Variants in TBC1D9 observed in about 807,000 individuals in gnomAD.
TBC1D9 encodes TBC1 domain family member 9.
In TBC1D9, 63 loss-of-function variants were observed where a neutral mutation model predicts 132.0. The ratio of observed to expected loss-of-function variants is 0.48; its 90% CI spans 0.39 to 0.59. The LOEUF is 0.59. TBC1D9 is among the 20% of genes least tolerant of loss of function. TBC1D9 has a pLI of 0.00. For synonymous variants in TBC1D9, 610 were observed against 609.9 expected (o/e 1.00, Z 0.00); for missense variants, 1,261 against 1,592.7 (o/e 0.79, Z 3.54).
At chr4:140,747,031 A>C (rs1738847634) in intron 1 of TBC1D9, among the ~76,000 whole-genome samples, 1 of 151,800 alleles carries the variant, frequency 6.6e-6, no homozygotes, top group African/African-American at 2.4e-5. Context: ...TAAATAAATA[A>C]ATAAATAAAT....
intron 1 of TBC1D9, among the ~76,000 whole-genome samples, chr4:140,741,803 C>T (rs1375391943): frequency 6.6e-6 from 1 of 152,224 alleles, no homozygotes; most frequent in Admixed American, 6.5e-5. Flanking sequence ...TAATAAAAAT[C>T]TTGATCTCCA....
At chr4:140,634,347 T>C (rs1239833361) in intron 15 of TBC1D9, among the ~76,000 whole-genome samples, 159 bp from the exon 16 acceptor site, 2 of 152,162 alleles carry the variant, frequency 1.3e-5, no homozygotes, top group Non-Finnish European at 2.9e-5. Context: ...TAGTTCTACA[T>C]ACACCTCCAC....
chr4:140,711,870 A>C (rs529504341), intron 1 of TBC1D9, among the ~76,000 whole-genome samples: 1 of 152,330 alleles, frequency 6.6e-6, no homozygotes, highest in South Asian at 2.1e-4. Context: ...TACAAAACTA[A>C]ATATGAATAT....
chr4:140,645,591 G>A (rs974406705), intron 13 of TBC1D9: 1 of 266,894 alleles, frequency 3.7e-6, no homozygotes. Context: ...TAGTAAGAAT[G>A]GTTCTAAAAC....
chr4:140,679,155 G>A lies in TBC1D9; in HGVS notation c.638C>T (p.Ala213Val), dbSNP rs768410683. The change falls in exon 5 of 21, where the codon GCC (alanine) becomes GTC (valine). Residue 213 changes from alanine to valine, a missense_variant. By Grantham distance (64) the Ala-to-Val change is moderately conservative. Around this residue, in one of 3 missense-constraint regions of TBC1D9, gnomAD observed 550 missense variants for 699.0 expected, o/e 0.79. Coordinates refer to ENST00000442267, the MANE Select transcript of TBC1D9 (RefSeq NM_015130.3). The part of the protein sequence containing the change: ...WVDITQLEKN[A>V]TLLLPDVIKV... Reference sequence around the variant, plus strand: ...GATCACATCAGGCAGAAGCAGGGTGGCATTCTTCTCAAGCTGAGTGATGTC... The same window carrying A: ...GATCACATCAGGCAGAAGCAGGGTGACATTCTTCTCAAGCTGAGTGATGTC... The A allele has an allele frequency of 2.5e-6, 4 of 1,613,848 alleles. No homozygotes were observed. In the Admixed American group the frequency reaches 6.7e-5, roughly 27 times the overall value.
At chr4:140,711,819 C>T (rs74999888) in intron 1 of TBC1D9, among the ~76,000 whole-genome samples, 1,937 of 152,046 alleles carry the variant, frequency 0.013, 40 homozygotes, top group Admixed American at 0.053. Flanking sequence ...TATAATATAA[C>T]CTATATTACA....
At chr4:140,673,365 C>T (rs1274532025) in intron 6 of TBC1D9, among the ~76,000 whole-genome samples, 1 of 152,084 alleles carries the variant, frequency 6.6e-6, no homozygotes, top group African/African-American at 2.4e-5. Context: ...AATTCTTGGT[C>T]TATACAATCT....
rs555574065 is a variant in TBC1D9, at chr4:140,684,123, C to T, written c.360+2221G>A. On this transcript the variant is annotated intron_variant, in intron 3 of 20. Coordinates refer to ENST00000442267, the MANE Select transcript of TBC1D9 (RefSeq NM_015130.3). ...ATATGCATATTAGAAGTGGGGAGGC[C>T]GGGCATGGTGTCTTAGGCCTGTACT... Among the ~76,000 whole-genome samples, 25 of 151,742 alleles carry T rather than the reference C, an allele frequency of 1.6e-4. No homozygotes were observed. In the South Asian group the frequency reaches 4.4e-3, roughly 27 times the overall value.
At chr4:140,755,879 C>G in intron 1 of TBC1D9, 37 bp downstream of exon 1, 1 of 1,502,616 alleles carries the variant, frequency 6.7e-7, no homozygotes, top group Non-Finnish European at 8.8e-7. Context: ...GCAGCGCTCC[C>G]GGCTCCCCTC....
At chr4:140,703,827 G>T (rs796496324) in intron 1 of TBC1D9, among the ~76,000 whole-genome samples, 2 of 152,258 alleles carry the variant, frequency 1.3e-5, no homozygotes, top group African/African-American at 2.4e-5. Flanking sequence ...TTCCAAGGGG[G>T]TAGAGTTCCA....
intron 2 of TBC1D9, among the ~76,000 whole-genome samples, chr4:140,690,337 C>A (rs1737858214): frequency 6.6e-6 from 1 of 152,128 alleles, no homozygotes; most frequent in Non-Finnish European, 1.5e-5. Flanking sequence ...GCCCACTGTC[C>A]ATCATTTCCA....
At chr4:140,711,922 C>T (rs1463346049) in intron 1 of TBC1D9, among the ~76,000 whole-genome samples, 1 of 152,130 alleles carries the variant, frequency 6.6e-6, no homozygotes, top group African/African-American at 2.4e-5. Context: ...ATTTTATGGT[C>T]TTCTGTGTTT....
rs1466093167 is a variant in TBC1D9, at chr4:140,672,165, G to A, written c.1060-1239C>T. Among the ~76,000 whole-genome samples, 4 of 151,202 alleles carry A rather than the reference G, an allele frequency of 2.6e-5. No homozygotes were observed. The South Asian group carries it at 8.3e-4, about 31-fold the overall frequency. On this transcript the variant is annotated intron_variant, in intron 6 of 20. Coordinates refer to ENST00000442267, the MANE Select transcript of TBC1D9 (RefSeq NM_015130.3). ...TGCTGTTTTCAGAATATATGTGTTA[G>A]AGTATATATGATTCTTTTAATATCT...
rs1463614387 is a variant in TBC1D9, at chr4:140,661,962, C to G, written c.1734G>C (p.Met578Ile). The G allele has an allele frequency of 1.9e-6, 3 of 1,613,948 alleles. No individual in the cohort carries two copies. The highest frequency in any genetic ancestry group is 2.5e-6 in the Non-Finnish European group (3 of 1,179,872). ...LPEHPAFQNEMGIAALRRVLT... is the reference protein window; with the variant it reads ...LPEHPAFQNEIGIAALRRVLT... Reference sequence around the variant, plus strand: ...AGACTCTCCTTAGTGCAGCAATGCCCATTTCATTCTGAAAAGCTGGGTGTT... The same window carrying G: ...AGACTCTCCTTAGTGCAGCAATGCCGATTTCATTCTGAAAAGCTGGGTGTT... Residue 578 changes from methionine (M) to isoleucine (I), a missense_variant, in exon 10 of 21, where the codon ATG (methionine) becomes ATC (isoleucine). Met to Ile is a conservative substitution (Grantham distance 10, BLOSUM62 1). Transcript: ENST00000442267.
At position 140,669,015 on chromosome 4, in the gene TBC1D9, C is replaced by T; in HGVS notation, c.1490G>A (p.Gly497Glu). 1 of 1,614,022 alleles carries T rather than the reference C, an allele frequency of 6.2e-7. No individual in the cohort carries two copies. Among genetic ancestry groups the T allele is most frequent in the South Asian group, 1.1e-5 (1 of 91,082 alleles). The part of the protein sequence containing the change: ...QAWKIHFAEY[G>E]QGICMYRTEK... ...TGTGCGGTACATGCAGATCCCTTGCCCATACTCAGCAAAGTGAATCTTCCA... is the reference window on the plus strand; with the variant it reads ...TGTGCGGTACATGCAGATCCCTTGCTCATACTCAGCAAAGTGAATCTTCCA... Residue 497 changes from glycine to glutamate, a missense_variant, in exon 9 of 21, where the codon GGG (glycine) becomes GAG (glutamate). Gly to Glu is a moderately conservative substitution (Grantham distance 98). Around this residue, in one of 3 missense-constraint regions of TBC1D9, gnomAD observed 550 missense variants for 699.0 expected, o/e 0.79. Coordinates refer to ENST00000442267, the MANE Select transcript of TBC1D9 (RefSeq NM_015130.3).
intron 1 of TBC1D9, among the ~76,000 whole-genome samples, chr4:140,744,433 AG>A (rs1738807378): frequency 6.6e-6 from 1 of 152,168 alleles, no homozygotes; most frequent in East Asian, 1.9e-4. Context: ...TTTCAAATTC[AG>A]GCACAACTGA....
chr4:140,632,257 C>CA (rs1174150948), intron 16 of TBC1D9, among the ~76,000 whole-genome samples: 3 of 79,562 alleles, frequency 3.8e-5, no homozygotes, highest in African/African-American at 6.2e-5. Flanking sequence ...TATTTTTGCC[C>CA]AAAGGTTTTT....
In TBC1D9 at chr4:140,677,008, G is replaced by A. The variant is rs764044713; in HGVS notation, c.945C>T (p.Leu315=). 113 of 1,614,000 alleles carry A rather than the reference G, an allele frequency of 7.0e-5. No individual in the cohort carries two copies. The Middle Eastern group carries it at 2.3e-3, about 33-fold the overall frequency. The change falls in exon 6 of 21, where the codon CTC becomes CTT. Residue 315 remains leucine, a synonymous_variant. Coordinates refer to ENST00000442267, the MANE Select transcript of TBC1D9 (RefSeq NM_015130.3). ...TGTGCATTTTGTTAAATGGAGTCCA[G>A]AGAGTGCAGTCTGTGTGGCCATCTA... is the stretch of plus-strand genomic sequence containing the variant. ...EKLDGHTDCT[L]WTPFNKMHIL...
intron 15 of TBC1D9, among the ~76,000 whole-genome samples, chr4:140,638,267 T>C (rs1736910632): frequency 1.3e-5 from 2 of 152,210 alleles, no homozygotes; most frequent in African/African-American, 4.8e-5. Context: ...TTTTTCCTGT[T>C]GATTATCACA....
Sources: allele counts gnomAD v4.1 joint callset (sites outside exome capture counted in the v4.1 genomes callset), GRCh38; gene constraint gnomAD v4.1.1; regional missense constraint gnomAD v4.1.1; transcripts MANE v1.5; gene names NCBI Gene and HGNC (gene_info 2026-07-23, HGNC 2026-07-21).